The following NPIPB15 variants were observed in gnomAD, a reference collection of about 807,000 sequenced individuals.
NPIPB15 encodes the protein nuclear pore complex interacting protein family member B15, also known as nuclear pore complex-interacting protein family member B15.
A neutral mutation model predicts 35.9 loss-of-function variants in NPIPB15; 5 were observed. That is an observed-to-expected ratio of 0.14 (90% CI 0.07 to 0.29). The LOEUF is 0.29. Ranked by LOEUF, NPIPB15 falls within the 10% of genes least tolerant of loss-of-function variation. The pLI is 1.00. For synonymous variants in NPIPB15, 43 were observed against 182.0 expected (o/e 0.24, Z 6.15); for missense variants, 100 against 506.1 (o/e 0.20, Z 7.70).
intron 2 of NPIPB15, 95 bp from the exon 3 acceptor site, chr16:74,381,421 T>C (rs1471959738): frequency 2.4e-5 from 32 of 1,348,506 alleles, no homozygotes; most frequent in South Asian, 1.8e-4. Flanking sequence ...GGTTACCTTT[T>C]GGAGGAGGTT....
At chr16:74,388,410 T>C (rs899016252) in intron 5 of NPIPB15, 32 of 950,368 alleles carry the variant, frequency 3.4e-5, no homozygotes, top group Non-Finnish European at 3.9e-5. Flanking sequence ...GACACACACA[T>C]AGTGCACCTC....
chr16:74,383,913 C>T (rs1480290850), intron 3 of NPIPB15, among the ~76,000 whole-genome samples: 4 of 150,820 alleles, frequency 2.7e-5, no homozygotes, highest in Non-Finnish European at 4.4e-5. Flanking sequence ...CACTCCATCT[C>T]AAGAAAAAAG....
At chr16:74,386,544 C>T (rs376568026) in intron 5 of NPIPB15, among the ~76,000 whole-genome samples, 8,365 of 122,956 alleles carry the variant, frequency 0.068, 8 homozygotes, top group Non-Finnish European at 0.098. Flanking sequence ...CTGCAACCTC[C>T]GCCTCCCAGG....
chr16:74,386,042 G>A (rs1397616867), intron 5 of NPIPB15, among the ~76,000 whole-genome samples: 151 of 127,240 alleles, frequency 1.2e-3, no homozygotes, highest in Non-Finnish European at 5.4e-4. Flanking sequence ...TGCCCAGGCT[G>A]TAGTGCAATG....
At chr16:74,377,531 G>A (rs541069756) in intron 1 of NPIPB15, among the ~76,000 whole-genome samples, 185 bp downstream of exon 1, 10 of 152,232 alleles carry the variant, frequency 6.6e-5, no homozygotes, top group East Asian at 5.8e-4. Context: ...GGCCCAGACC[G>A]AAGAAGGTTT....
intron 3 of NPIPB15, among the ~76,000 whole-genome samples, chr16:74,382,569 T>C (rs1482800667): frequency 2.6e-5 from 4 of 152,270 alleles, no homozygotes; most frequent in African/African-American, 9.6e-5. Flanking sequence ...AGTTGTGCCA[T>C]AATTTGTCTT....
intron 3 of NPIPB15, among the ~76,000 whole-genome samples, chr16:74,384,702 CAG>C (rs1446389546): frequency 1.3e-4 from 4 of 29,850 alleles, no homozygotes; most frequent in East Asian, 1.9e-3. Flanking sequence ...TTTTTTGAGA[CAG>C]AGTTTCAATT....
chr16:74,381,036 G>C (rs1439497606), intron 2 of NPIPB15, among the ~76,000 whole-genome samples: 13 of 146,530 alleles, frequency 8.9e-5, no homozygotes, highest in Admixed American at 4.9e-4. Context: ...TCAGCTACTC[G>C]GGAGGCTGAG....
intron 5 of NPIPB15, 114 bp from the exon 6 acceptor site, chr16:74,389,711 G>T: frequency 1.7e-6 from 1 of 587,534 alleles, no homozygotes; most frequent in Non-Finnish European, 2.9e-6. Context: ...ACGTTTTCTA[G>T]GTAGAGATAG....
rs748625354 is a variant in NPIPB15, at chr16:74,391,481, C to A, written c.733C>A (p.Arg245Ser). The A allele has an allele frequency of 6.2e-7, 1 of 1,613,652 alleles. No homozygotes were observed. Among genetic ancestry groups the A allele is most frequent in the Non-Finnish European group, 8.5e-7 (1 of 1,179,878 alleles). ...TGAAGCTTTAAAAAACAGGATGGGCCGCCAGCCACCTCCTCCAACTCAACA... is the reference window on the plus strand; with the variant it reads ...TGAAGCTTTAAAAAACAGGATGGGCAGCCAGCCACCTCCTCCAACTCAACA... ...TAEALKNRMGRQPPPPTQQHS... is the reference protein window; with the variant it reads ...TAEALKNRMGSQPPPPTQQHS... The change falls in exon 8 of 8, where the codon CGC becomes AGC. Residue 245 changes from arginine to serine, a missense_variant. Arg to Ser is a moderately radical substitution (Grantham distance 110). Transcript: ENST00000692376.
At chr16:74,384,993 G>T (rs945863965) in intron 3 of NPIPB15, among the ~76,000 whole-genome samples, 442 of 9,528 alleles carry the variant, frequency 0.046, 1 homozygote, top group East Asian at 0.27. Flanking sequence ...TGTCATTCTT[G>T]TGTGTGTGTG....
At chr16:74,379,354 G>T (rs1387241216) in intron 2 of NPIPB15, among the ~76,000 whole-genome samples, 1 of 152,160 alleles carries the variant, frequency 6.6e-6, no homozygotes, top group East Asian at 1.9e-4. Context: ...CTGTTGAAGG[G>T]CTATCTCTGT....
rs2012146276 is a variant in NPIPB15, at chr16:74,384,380, T to C, written c.250-962T>C. On this transcript the variant is annotated intron_variant, in intron 3 of 7. Transcript: ENST00000692376. ...GAAGTATATTCATGTCATTTTTTTT[T>C]TTTTTTTGAGACGGAGTCTCACTCT... Among the ~76,000 whole-genome samples, 2 of 101,056 alleles carry C rather than the reference T, an allele frequency of 2.0e-5. 1 individual carries two copies. The highest frequency in any genetic ancestry group is 8.2e-4 in the South Asian group (2 of 2,442). The allele number at this position is 101,056 out of a possible 152,430, so 66.3% of individuals were successfully genotyped here.
intron 3 of NPIPB15, among the ~76,000 whole-genome samples, chr16:74,384,664 G>A (rs1430760718): frequency 4.0e-5 from 5 of 124,684 alleles, no homozygotes; most frequent in African/African-American, 6.2e-5. Flanking sequence ...ACCGCACCTG[G>A]CCTATTTTTT....
At position 74,381,724 on chromosome 16, in the gene NPIPB15, G is replaced by C. The variant is rs1370982536; in HGVS notation, c.249+26G>C. 1.9e-6 allele frequency: 3 copies of C among 1,574,126 alleles called. No homozygotes were observed. In the Admixed American group the frequency reaches 5.2e-5, roughly 27 times the overall value. ...GTGAGTATACTAACTTTCTGTAGAGGTATACTTGTAATCACAAATAAGAAT... is the reference window on the plus strand; with the variant it reads ...GTGAGTATACTAACTTTCTGTAGAGCTATACTTGTAATCACAAATAAGAAT... On this transcript the variant is annotated intron_variant, in intron 3 of 7. Coordinates refer to ENST00000692376, the MANE Select transcript of NPIPB15 (RefSeq NM_001306094.2).
chr16:74,384,711 A>C (rs1278638649), intron 3 of NPIPB15, among the ~76,000 whole-genome samples: 4 of 56,914 alleles, frequency 7.0e-5, no homozygotes, highest in African/African-American at 1.4e-4. Flanking sequence ...ACAGAGTTTC[A>C]ATTTTGTTGC....
In NPIPB15 at chr16:74,391,780, C is replaced by T; in HGVS notation, c.1032C>T (p.Pro344=). The T allele has an allele frequency of 6.2e-7, 1 of 1,614,014 alleles. No individual in the cohort carries two copies. ...TGGATGATAATCTCAAGACTCCTCC[C>T]TTAGCTACTCAGGAGGCCGAGGCGG... ...PSVDDNLKTP[P]LATQEAEAEK... The change falls in exon 8 of 8, where the codon CCC becomes CCT. Residue 344 remains proline, a synonymous_variant. Transcript: ENST00000692376.
In NPIPB15 at chr16:74,376,626, A is replaced by T. The variant is rs1327352174; in HGVS notation, c.-743A>T. ...TCCCCCTCATTTGGGTTCAGAATTT[A>T]AAGTCCACACACACAGGCAGTAAGA... On this transcript the variant is annotated 5_prime_UTR_variant, in exon 1 of 8. It removes the in-frame stop codon of an upstream open reading frame in the 5' UTR. Transcript: ENST00000692376. Among the ~76,000 whole-genome samples the T allele has an allele frequency of 2.0e-5, 3 of 152,094 alleles. No homozygotes were observed. The highest frequency in any genetic ancestry group is 7.2e-5 in the African/African-American group (3 of 41,434).
intron 2 of NPIPB15, among the ~76,000 whole-genome samples, chr16:74,378,415 T>G (rs1022952778): frequency 2.2e-5 from 3 of 137,028 alleles, no homozygotes; most frequent in Non-Finnish European, 3.1e-5. Flanking sequence ...TGTCACCTGG[T>G]TTGATGCCTT....
Sources: gnomAD v4.1 joint callset for allele counts (sites outside exome capture counted in the v4.1 genomes callset) on GRCh38, gnomAD v4.1.1 for gene constraint, MANE v1.5 for transcripts, NCBI Gene and HGNC (gene_info 2026-07-23, HGNC 2026-07-21) for gene names.